Variants in CNTNAP2 observed in about 807,000 individuals in gnomAD.
CNTNAP2 encodes contactin associated protein 2, also known as contactin-associated protein-like 2.
In CNTNAP2, 98 loss-of-function variants were observed where a neutral mutation model predicts 155.2. The ratio of observed to expected loss-of-function variants is 0.63; its 90% CI spans 0.54 to 0.75. CNTNAP2 has a LOEUF of 0.75. CNTNAP2 is among the 30% of genes least tolerant of loss of function. The probability of loss-of-function intolerance (pLI) is 0.00; values close to 1 mark genes in which losing one functional copy is unlikely to be tolerated. For synonymous variants in CNTNAP2, 651 were observed against 631.2 expected (o/e 1.03, Z -0.47); for missense variants, 1,727 against 1,688.1 (o/e 1.02, Z -0.40).
At chr7:147,196,676 A>C (rs548348678) in intron 8 of CNTNAP2, among the ~76,000 whole-genome samples, 1 of 152,330 alleles carries the variant, frequency 6.6e-6, no homozygotes, top group East Asian at 1.9e-4. Context: ...AGAACTGGTC[A>C]TCTGGAACCA....
At chr7:147,024,767 C>T (rs73465279) in intron 3 of CNTNAP2, among the ~76,000 whole-genome samples, 23,835 of 152,028 alleles carry the variant, frequency 0.16, 3,114 homozygotes, top group African/African-American at 0.35. Context: ...TGGAAACTCC[C>T]TCCTCAGTGG....
At chr7:148,136,642 A>G (rs1250167115) in intron 16 of CNTNAP2, among the ~76,000 whole-genome samples, 2 of 152,156 alleles carry the variant, frequency 1.3e-5, no homozygotes, top group East Asian at 1.9e-4. Flanking sequence ...CGATGACCCT[A>G]TCCCCAAAGC....
intron 11 of CNTNAP2, among the ~76,000 whole-genome samples, chr7:147,492,088 G>T (rs903926941): frequency 6.6e-6 from 1 of 152,176 alleles, no homozygotes; most frequent in East Asian, 1.9e-4. Flanking sequence ...GGCACCAGGG[G>T]CCAGGTTCAT....
At chr7:147,664,407 A>C (rs1193004991) in intron 13 of CNTNAP2, among the ~76,000 whole-genome samples, 1 of 152,212 alleles carries the variant, frequency 6.6e-6, no homozygotes, top group Admixed American at 6.5e-5. Flanking sequence ...AAGGTCTTAC[A>C]TAAAGAGAAA....
chr7:148,297,197 G>GAAGGAAGGAAGC (rs1320518759), intron 21 of CNTNAP2, among the ~76,000 whole-genome samples: 1 of 151,038 alleles, frequency 6.6e-6, no homozygotes, highest in African/African-American at 2.5e-5. Context: ...AGGAAGGAAG[G>GAAGGAAGGAAGC]AAGGAAGGAA....
intron 1 of CNTNAP2, among the ~76,000 whole-genome samples, chr7:146,700,534 T>A (rs1295537288): frequency 6.6e-6 from 1 of 152,104 alleles, no homozygotes; most frequent in Non-Finnish European, 1.5e-5. Context: ...GCATTGTACA[T>A]GTATGTTTAT....
At chr7:146,403,127 G>C (rs555301731) in intron 1 of CNTNAP2, among the ~76,000 whole-genome samples, 68 of 152,104 alleles carry the variant, frequency 4.5e-4, no homozygotes, top group African/African-American at 1.6e-3. Flanking sequence ...ATAATTTTTG[G>C]TAAGGGTGTG....
intron 16 of CNTNAP2, among the ~76,000 whole-genome samples, chr7:148,119,852 G>C (rs146017272): frequency 9.1e-4 from 139 of 152,154 alleles, no homozygotes; most frequent in African/African-American, 3.2e-3. Flanking sequence ...GCCCATGGCA[G>C]ATCTGATCTG....
intron 8 of CNTNAP2, among the ~76,000 whole-genome samples, chr7:147,287,778 C>G (rs1284154681): frequency 2.0e-5 from 3 of 152,080 alleles, no homozygotes; most frequent in Non-Finnish European, 4.4e-5. Flanking sequence ...CATCAATTTC[C>G]ACTCAGTTGC....
At chr7:147,723,731 G>A (rs565508888) in intron 13 of CNTNAP2, among the ~76,000 whole-genome samples, 10 of 151,956 alleles carry the variant, frequency 6.6e-5, no homozygotes, top group African/African-American at 1.9e-4. Context: ...TTCAGTCTTC[G>A]CTACTCAGGA....
intron 9 of CNTNAP2, among the ~76,000 whole-genome samples, chr7:147,337,611 A>G (rs749925762): frequency 5.9e-5 from 9 of 152,174 alleles, no homozygotes; most frequent in Non-Finnish European, 1.0e-4. Flanking sequence ...TAGTCATGAA[A>G]AGGAGTGATT....
intron 1 of CNTNAP2, among the ~76,000 whole-genome samples, chr7:146,695,765 T>G (rs947052404): frequency 3.3e-5 from 5 of 152,164 alleles, no homozygotes; most frequent in Non-Finnish European, 7.3e-5. Context: ...ATATTTAGCA[T>G]GTACAACATG....
chr7:146,555,854 A>G (rs968881457), intron 1 of CNTNAP2, among the ~76,000 whole-genome samples: 5 of 152,126 alleles, frequency 3.3e-5, no homozygotes, highest in Non-Finnish European at 7.3e-5. Flanking sequence ...TCCAACATAC[A>G]CATTTTTTTT....
At chr7:146,438,782 T>C (rs1796279001) in intron 1 of CNTNAP2, among the ~76,000 whole-genome samples, 1 of 151,532 alleles carries the variant, frequency 6.6e-6, no homozygotes, top group Non-Finnish European at 1.5e-5. Context: ...GGTTTTTTAT[T>C]GAGCTTTGGT....
chr7:146,129,634 T>C (rs1797686863), intron 1 of CNTNAP2, among the ~76,000 whole-genome samples: 1 of 152,228 alleles, frequency 6.6e-6, no homozygotes, highest in African/African-American at 2.4e-5. Context: ...TTCTTTATTA[T>C]CCACTTTATC....
intron 8 of CNTNAP2, among the ~76,000 whole-genome samples, chr7:147,253,890 T>C (rs1804260253): frequency 6.6e-6 from 1 of 152,226 alleles, no homozygotes; most frequent in African/African-American, 2.4e-5. Context: ...CAACTCTTAA[T>C]CTTCTATGGC....
chr7:146,487,252 A>G (rs1472357046), intron 1 of CNTNAP2, among the ~76,000 whole-genome samples: 1 of 152,198 alleles, frequency 6.6e-6, no homozygotes, highest in East Asian at 1.9e-4. Context: ...ACTTAATTTT[A>G]TTAGGAATGT....
chr7:147,898,064 T>C (rs976853863), intron 13 of CNTNAP2, among the ~76,000 whole-genome samples: 1 of 152,222 alleles, frequency 6.6e-6, no homozygotes, highest in Non-Finnish European at 1.5e-5. Context: ...TTAAGTCAAA[T>C]ATACTTTCTT....
At chr7:146,411,452 G>A (rs1022666030) in intron 1 of CNTNAP2, among the ~76,000 whole-genome samples, 7 of 151,950 alleles carry the variant, frequency 4.6e-5, no homozygotes, top group African/African-American at 9.7e-5. Flanking sequence ...CCCTGTGCCC[G>A]GCTAATAGAG....
Sources: allele counts gnomAD v4.1 joint callset (sites outside exome capture counted in the v4.1 genomes callset), GRCh38; gene constraint gnomAD v4.1.1; transcripts MANE v1.5; gene names NCBI Gene and HGNC (gene_info 2026-07-23, HGNC 2026-07-21).